Variants in PTPRD observed in about 807,000 individuals in gnomAD.
PTPRD encodes the protein receptor-type tyrosine-protein phosphatase delta.
In PTPRD, 34 loss-of-function variants were observed where a neutral mutation model predicts 214.5. The observed-to-expected ratio is 0.16, with a 90% CI of 0.12 to 0.21. PTPRD has a LOEUF of 0.21. Ranked by LOEUF, PTPRD falls within the 10% of genes least tolerant of loss-of-function variation. PTPRD has a pLI of 1.00. For synonymous variants in PTPRD, 1,128 were observed against 845.7 expected (o/e 1.33, Z -5.79); for missense variants, 2,545 against 2,398.7 (o/e 1.06, Z -1.27).
At chr9:9,494,493 A>T (rs2096077194) in intron 8 of PTPRD, among the ~76,000 whole-genome samples, 1 of 152,234 alleles carries the variant, frequency 6.6e-6, no homozygotes, top group African/African-American at 2.4e-5. Flanking sequence ...ATCAAGATCA[A>T]GGCAAGAGCC....
chr9:8,459,535 A>G (rs1477959704), intron 33 of PTPRD, among the ~76,000 whole-genome samples: 2 of 152,070 alleles, frequency 1.3e-5, no homozygotes, highest in Non-Finnish European at 2.9e-5. Context: ...TATTATAATT[A>G]TATTCTTAAG....
At chr9:10,260,988 GTATATATA>G (rs138277602) in intron 3 of PTPRD, among the ~76,000 whole-genome samples, 3,411 of 145,436 alleles carry the variant, frequency 0.023, 141 homozygotes, top group African/African-American at 0.083. Flanking sequence ...GTATATATAT[GTATATATA>G]TGTGTATATA....
intron 3 of PTPRD, among the ~76,000 whole-genome samples, chr9:10,282,277 T>G (rs554853011): frequency 3.3e-5 from 5 of 152,184 alleles, no homozygotes; most frequent in South Asian, 2.1e-4. Context: ...TAGCACAGTG[T>G]CTGACTCATA....
intron 43 of PTPRD, among the ~76,000 whole-genome samples, chr9:8,335,955 A>G (rs564217944): frequency 2.0e-5 from 3 of 152,340 alleles, no homozygotes; most frequent in Admixed American, 1.3e-4. Context: ...GCTCAAGGAA[A>G]TAAGAGAGGA....
intron 11 of PTPRD, among the ~76,000 whole-genome samples, chr9:8,961,815 GCA>G (rs1168010534): frequency 6.6e-6 from 1 of 152,050 alleles, no homozygotes; most frequent in Admixed American, 6.6e-5. Flanking sequence ...ATCCAGGACT[GCA>G]GTTTCCATTT....
chr9:9,663,732 C>A (rs2096662458), intron 7 of PTPRD, among the ~76,000 whole-genome samples: 1 of 151,468 alleles, frequency 6.6e-6, no homozygotes, highest in Non-Finnish European at 1.5e-5. Flanking sequence ...TTACATAGAA[C>A]TTCACACAGC....
intron 10 of PTPRD, among the ~76,000 whole-genome samples, chr9:9,092,011 G>C (rs1255117508): frequency 3.9e-5 from 6 of 151,948 alleles, no homozygotes; most frequent in East Asian, 1.9e-4. Flanking sequence ...TTTATCTTTG[G>C]GGTTCTTCTC....
At chr9:9,940,857 A>G (rs1037359201) in intron 4 of PTPRD, among the ~76,000 whole-genome samples, 1 of 152,090 alleles carries the variant, frequency 6.6e-6, no homozygotes, top group African/African-American at 2.4e-5. Flanking sequence ...ATATTTTACA[A>G]TCTATGAGAT....
At chr9:10,143,425 C>T (rs2099001023) in intron 3 of PTPRD, among the ~76,000 whole-genome samples, 1 of 151,970 alleles carries the variant, frequency 6.6e-6, no homozygotes, top group Non-Finnish European at 1.5e-5. Context: ...GTTGTTAAGG[C>T]TCTGGAGAAA....
chr9:10,164,114 T>A (rs1233875443), intron 3 of PTPRD, among the ~76,000 whole-genome samples: 1 of 151,446 alleles, frequency 6.6e-6, no homozygotes, highest in African/African-American at 2.4e-5. Context: ...TCAACTGATA[T>A]CTGGATATCA....
intron 5 of PTPRD, among the ~76,000 whole-genome samples, chr9:9,932,091 A>G (rs1179586148): frequency 6.7e-6 from 1 of 149,110 alleles, no homozygotes; most frequent in African/African-American, 2.5e-5. Flanking sequence ...CACCATCATC[A>G]AAGACCAAAA....
At chr9:8,370,197 CATAT>C (rs1296507049) in intron 39 of PTPRD, among the ~76,000 whole-genome samples, 1,102 of 95,574 alleles carry the variant, frequency 0.012, 20 homozygotes, top group African/African-American at 0.03. Context: ...ATGCACTGCA[CATAT>C]ATATATACAC....
chr9:9,350,552 G>A (rs1464344729), intron 9 of PTPRD, among the ~76,000 whole-genome samples: 1 of 151,948 alleles, frequency 6.6e-6, no homozygotes, highest in Admixed American at 6.6e-5. Context: ...GCCAGATAAG[G>A]TGTCATGGTC....
intron 5 of PTPRD, among the ~76,000 whole-genome samples, chr9:9,836,556 T>C (rs115433969): frequency 1.3e-3 from 203 of 152,218 alleles, no homozygotes; most frequent in African/African-American, 4.8e-3. Flanking sequence ...GTGACTGAAC[T>C]TAAAATTGTA....
At chr9:9,162,066 T>A in intron 10 of PTPRD, among the ~76,000 whole-genome samples, 1 of 152,226 alleles carries the variant, frequency 6.6e-6, no homozygotes, top group Non-Finnish European at 1.5e-5. Context: ...ATTTAGAAGA[T>A]CTTCAACTAT....
chr9:9,545,020 G>C (rs1375260369), intron 8 of PTPRD, among the ~76,000 whole-genome samples: 11 of 151,620 alleles, frequency 7.3e-5, no homozygotes. Context: ...CAGCAAAATT[G>C]AGAGGAAAGT....
At chr9:8,946,052 C>T (rs1040968497) in intron 11 of PTPRD, among the ~76,000 whole-genome samples, 2 of 152,242 alleles carry the variant, frequency 1.3e-5, no homozygotes, top group Admixed American at 1.3e-4. Flanking sequence ...TGATTTAATT[C>T]ACTCATACAA....
intron 9 of PTPRD, among the ~76,000 whole-genome samples, chr9:9,268,807 C>CAAA (rs66741804): frequency 9.1e-6 from 1 of 110,174 alleles, no homozygotes. Context: ...TATCCACAAG[C>CAAA]AAAAAAAAAA....
rs1267586657 is a variant in PTPRD, at chr9:8,557,431, AATACATAT to A, written c.353-28660_353-28653del. Among the ~76,000 whole-genome samples the A allele has an allele frequency of 2.4e-4, 27 of 111,728 alleles. 1 individual carries two copies. The highest frequency in any genetic ancestry group is 2.1e-3 in the African/African-American group (27 of 12,978). 73.3% of individuals were successfully genotyped at this position (111,728 alleles called of 152,430 possible). On this transcript the variant is annotated intron_variant, in intron 14 of 45. Coordinates refer to ENST00000381196, the MANE Select transcript of PTPRD (RefSeq NM_002839.4). ...CAAAACTCTTTATTTTTCATTTGTA[AATACATAT>A]ATATATATATATATATATTTGGGCC...
Sources: allele counts gnomAD v4.1 joint callset (sites outside exome capture counted in the v4.1 genomes callset), GRCh38; gene constraint gnomAD v4.1.1; transcripts MANE v1.5; gene names NCBI Gene and HGNC (gene_info 2026-07-23, HGNC 2026-07-21).